The following SLC25A44 variants were observed in gnomAD, a reference collection of about 807,000 sequenced individuals.
SLC25A44 encodes the protein solute carrier family 25, member 44.
A neutral mutation model predicts 29.9 loss-of-function variants in SLC25A44; 17 were observed. The ratio of observed to expected loss-of-function variants is 0.57; its 90% confidence interval spans 0.39 to 0.85. The LOEUF is 0.85. Among genes scored for constraint, SLC25A44 ranks in the 40% least tolerant of loss-of-function variants. The pLI is 0.00. For missense variants in SLC25A44, 302 were observed against 398.4 expected (o/e 0.76, Z 2.06); for synonymous variants, 140 against 151.8 (o/e 0.92, Z 0.57).
At position 156,210,237 on chromosome 1, in the gene SLC25A44, C is replaced by T. The variant is rs1657207690; in HGVS notation, c.754-3C>T. On this transcript the variant is annotated splice_polypyrimidine_tract_variant and splice_region_variant and intron_variant, in intron 3 of 3. Coordinates refer to ENST00000359511, the MANE Select transcript of SLC25A44 (RefSeq NM_014655.4). ...TGGCCCTCCACTGTGTTGACTTTTC[C>T]AGGTTGAGGGCAAGAACTCCATCAT... is the stretch of plus-strand genomic sequence containing the variant. 6.5e-7 allele frequency: 1 copy of T among 1,541,972 alleles called. No homozygotes were observed. The highest frequency in any genetic ancestry group is 2.0e-5 in the Admixed American group (1 of 50,184).
chr1:156,204,258 C>T (rs535548961), intron 2 of SLC25A44, among the ~76,000 whole-genome samples: 1 of 151,998 alleles, frequency 6.6e-6, no homozygotes, highest in African/African-American at 2.4e-5. Context: ...CCACCTGCCT[C>T]GGCCTCCCAA....
intron 3 of SLC25A44, among the ~76,000 whole-genome samples, chr1:156,208,917 A>G (rs1657127560): frequency 6.6e-6 from 1 of 152,234 alleles, no homozygotes; most frequent in African/African-American, 2.4e-5. Flanking sequence ...ATATGCAAAT[A>G]GTAGGTGTTG....
At chr1:156,194,982 C>G (rs981025989) in intron 1 of SLC25A44, among the ~76,000 whole-genome samples, 1 of 152,182 alleles carries the variant, frequency 6.6e-6, no homozygotes, top group Non-Finnish European at 1.5e-5. Context: ...AGTCTGTGGA[C>G]CACCTTGGGT....
rs747163615 is a variant in SLC25A44, at chr1:156,210,268, C to T, written c.782C>T (p.Thr261Ile). The T allele has an allele frequency of 5.7e-6, 9 of 1,579,472 alleles. No individual in the cohort carries two copies. The highest frequency in any genetic ancestry group is 5.2e-6 in the Non-Finnish European group (6 of 1,163,620). The change falls in exon 4 of 4, where the codon ACC becomes ATC. Residue 261 changes from threonine (T) to isoleucine (I), a missense_variant. By Grantham distance (89) the Thr-to-Ile change is moderately conservative (BLOSUM62 -1). Coordinates refer to ENST00000359511, the MANE Select transcript of SLC25A44 (RefSeq NM_014655.4). ...GAGGGCAAGAACTCCATCATCCTGA[C>T]CTTCAGACAGCTGATGGCAGAAGAA... ...QVEGKNSIIL[T>I]FRQLMAEEGP...
At chr1:156,199,293 G>C (rs1656400086) in intron 1 of SLC25A44, 1 of 154,400 alleles carries the variant, frequency 6.5e-6, no homozygotes, top group Non-Finnish European at 1.4e-5. Context: ...TGCCTCCTCA[G>C]TAGGCCCAGG....
rs527678717 is a variant in SLC25A44, at chr1:156,198,649, C to T, written c.-13-1186C>T. 6.6e-6 allele frequency: 1 copy of T among 152,066 alleles called. No homozygotes were observed. Among genetic ancestry groups the T allele is most frequent in the Non-Finnish European group, 1.5e-5 (1 of 68,010 alleles). The allele number at this position is 152,066 out of a possible 1,614,324, so 9.4% of individuals were successfully genotyped here. A position where few individuals can be genotyped will look rare whatever the true frequency, so the allele number is the denominator to read the frequency against. On this transcript the variant is annotated intron_variant, in intron 1 of 3. Coordinates refer to ENST00000359511, the MANE Select transcript of SLC25A44 (RefSeq NM_014655.4). This position sits in a 1 kb window ranked among gnomAD's most constrained non-coding sequence, Gnocchi z 4.1. ...TATATATTGTAGAGACGGAGTCTCCCTATGTTGCCTAGGCTGACCTTGAGC... is the reference window on the plus strand; with the variant it reads ...TATATATTGTAGAGACGGAGTCTCCTTATGTTGCCTAGGCTGACCTTGAGC...
In SLC25A44 at chr1:156,212,305, G is replaced by GCTT. The variant is rs1657384851; in HGVS notation, c.*1874_*1875insCTT. The stretch of plus-strand genomic sequence containing the variant: ...TCCTTCCCCGCCATGGCACAGTGGG[G>GCTT]AAGGTGTCAATGGGGAGTGTCACGG... On this transcript the variant is annotated 3_prime_UTR_variant, in exon 4 of 4. Transcript: ENST00000359511. The GCTT allele has an allele frequency of 6.6e-6, 1 of 152,352 alleles. No homozygotes were observed. Among genetic ancestry groups the GCTT allele is most frequent in the Non-Finnish European group, 1.5e-5 (1 of 68,046 alleles). 9.4% of individuals were successfully genotyped at this position (152,352 alleles called of 1,614,324 possible).
chr1:156,203,699 CTTTTTTTTT>C (rs56890643), intron 2 of SLC25A44, among the ~76,000 whole-genome samples: 2 of 106,782 alleles, frequency 1.9e-5, no homozygotes, highest in African/African-American at 8.2e-5. Flanking sequence ...ATTCTCTTTC[CTTTTTTTTT>C]TTTTTTTTTT....
intron 2 of SLC25A44, among the ~76,000 whole-genome samples, chr1:156,201,185 G>T (rs1261891335): frequency 6.6e-6 from 1 of 152,098 alleles, no homozygotes; most frequent in African/African-American, 2.4e-5. Flanking sequence ...CTCCTGTAAT[G>T]TATCTTTGTT....
In SLC25A44 at chr1:156,211,086, G is replaced by GTGTGTA. The variant is rs1657284466; in HGVS notation, c.*660_*661insATGTGT. The GTGTGTA allele has an allele frequency of 6.6e-6, 1 of 152,050 alleles. No homozygotes were observed. The highest frequency in any genetic ancestry group is 6.6e-5 in the Admixed American group (1 of 15,186). 9.4% of individuals were successfully genotyped at this position (152,050 alleles called of 1,614,324 possible). On this transcript the variant is annotated 3_prime_UTR_variant, in exon 4 of 4. Coordinates refer to ENST00000359511, the MANE Select transcript of SLC25A44 (RefSeq NM_014655.4). ...TGTGTGTGTGTGTGTGTGTGTGTGTGTGTGTGTGTGTGTGTTTTAACATCT... is the reference window on the plus strand; with the variant it reads ...TGTGTGTGTGTGTGTGTGTGTGTGTGTGTGTATGTGTGTGTGTGTGTTTTAACATCT...
intron 2 of SLC25A44, among the ~76,000 whole-genome samples, chr1:156,204,214 C>T (rs1399502739): frequency 6.6e-6 from 1 of 150,824 alleles, no homozygotes; most frequent in Non-Finnish European, 1.5e-5. Flanking sequence ...TCCATGTTGG[C>T]CAGACTGGTC....
At chr1:156,203,951 G>A (rs1160528293) in intron 2 of SLC25A44, among the ~76,000 whole-genome samples, 24 of 151,340 alleles carry the variant, frequency 1.6e-4, no homozygotes, top group South Asian at 2.1e-4. Context: ...TGATCCGCCC[G>A]CCTCGGCCTC....
intron 3 of SLC25A44, 64 bp downstream of exon 3, chr1:156,208,077 C>T: frequency 1.4e-6 from 2 of 1,480,418 alleles, no homozygotes; most frequent in Non-Finnish European, 1.9e-6. Context: ...ACCTTCAAGC[C>T]CTCCAGTGTT....
intron 2 of SLC25A44, among the ~76,000 whole-genome samples, chr1:156,207,045 T>C (rs545182331): frequency 8.5e-5 from 13 of 152,304 alleles, no homozygotes; most frequent in Non-Finnish European, 1.3e-4. Context: ...CCTGTTTAAA[T>C]GGACGATGTT....
Position 156,207,895 on chromosome 1 carries a change from C to A in SLC25A44, c.635C>A (p.Ser212Tyr). ...TTTCCCTGGATTCCAGAGCAGCTCT[C>A]CTACCTGTGTCCTAAGGAGTGCCCT... ...PFYHFYAEQL[S>Y]YLCPKECPHI... The change falls in exon 3 of 4, where the codon TCC becomes TAC. Residue 212 changes from serine (S) to tyrosine (Y), a missense_variant. Physicochemically the swap from Ser to Tyr is moderately radical, Grantham distance 144 (BLOSUM62 -2). Coordinates refer to ENST00000359511, the MANE Select transcript of SLC25A44 (RefSeq NM_014655.4). The A allele has an allele frequency of 1.2e-6, 2 of 1,614,032 alleles. No homozygotes were observed. The highest frequency in any genetic ancestry group is 1.7e-6 in the Non-Finnish European group (2 of 1,179,952).
At position 156,211,279 on chromosome 1, in the gene SLC25A44, G is replaced by C. The variant is rs905164461; in HGVS notation, c.*848G>C. On this transcript the variant is annotated 3_prime_UTR_variant, in exon 4 of 4. Transcript: ENST00000359511. ...CTAAGCTGGGGCATCCCCTGGCCCAGAGGACTCCCGTGGTGGGCACAGTTC... is the reference window on the plus strand; with the variant it reads ...CTAAGCTGGGGCATCCCCTGGCCCACAGGACTCCCGTGGTGGGCACAGTTC... The C allele has an allele frequency of 3.9e-5, 6 of 152,848 alleles. No individual in the cohort carries two copies. The highest frequency in any genetic ancestry group is 1.4e-4 in the African/African-American group (6 of 41,436). The allele number at this position is 152,848 out of a possible 1,614,324, so 9.5% of individuals were successfully genotyped here.
chr1:156,210,097 G>A (rs1657195764), intron 3 of SLC25A44, 143 bp from the exon 4 acceptor site: 2 of 582,144 alleles, frequency 3.4e-6, no homozygotes, highest in Non-Finnish European at 6.1e-6. Flanking sequence ...CTAAATCACT[G>A]TGCTGTACCA....
intron 2 of SLC25A44, among the ~76,000 whole-genome samples, chr1:156,206,269 T>C (rs1246727211): frequency 1.3e-5 from 2 of 150,614 alleles, no homozygotes; most frequent in African/African-American, 4.9e-5. Context: ...GATGGAGTCT[T>C]GCTCTGTCGC....
At chr1:156,196,424 T>C (rs1274792405) in intron 1 of SLC25A44, 1 of 152,136 alleles carries the variant, frequency 6.6e-6, no homozygotes, top group Non-Finnish European at 1.5e-5. Context: ...TGTGGGAGTT[T>C]AAAATAGATT....
Sources: gnomAD v4.1 joint callset for allele counts (sites outside exome capture counted in the v4.1 genomes callset) on GRCh38, gnomAD v4.1.1 for gene constraint, Gnocchi (gnomAD v3.1) non-coding constraint, MANE v1.5 for transcripts, NCBI Gene and HGNC (gene_info 2026-07-23, HGNC 2026-07-21) for gene names.